The following STXBP5 variants were observed in gnomAD, a reference collection of about 807,000 sequenced individuals.
STXBP5 encodes the protein syntaxin-binding protein 5.
A neutral mutation model predicts 152.4 loss-of-function variants in STXBP5; 50 were observed. That is an observed-to-expected ratio of 0.33 (90% CI 0.26 to 0.42). The LOEUF (loss-of-function observed/expected upper bound fraction) is 0.42. Ranked by LOEUF, STXBP5 falls within the 10% of genes least tolerant of loss-of-function variation. STXBP5 has a pLI of 1.00. For synonymous variants in STXBP5, 492 were observed against 494.7 expected (o/e 0.99, Z 0.07); for missense variants, 1,167 against 1,388.6 (o/e 0.84, Z 2.54).
rs1051830719 is a variant in STXBP5 at position 147,329,829 on chromosome 6, G to GTGTTA, written c.2080+2554_2080+2558dup. On this transcript the variant is annotated intron_variant, in intron 18 of 27. Transcript: ENST00000321680. ...TTTTTAGTAGAGACGGGGTTTCACC[G>GTGTTA]TGTTAGCCAGGATGGTCTCGATCTC... Among the ~76,000 whole-genome samples, 119 of 151,646 alleles carry GTGTTA rather than the reference G, an allele frequency of 7.8e-4. 2 individuals are homozygous for GTGTTA. Among genetic ancestry groups the GTGTTA allele is most frequent in the South Asian group, 5.0e-3 (24 of 4,808 alleles).
In STXBP5 at chr6:147,260,766, A is replaced by G. The variant is rs778991664; in HGVS notation, c.566+17A>G. On this transcript the variant is annotated intron_variant, in intron 5 of 27. Transcript: ENST00000321680. Reference sequence around the variant, plus strand: ...CATTGAACTGTGAGTTTGAACAAATATTTTGTATCTGAAAGCATCAGTTCT... The same window carrying G: ...CATTGAACTGTGAGTTTGAACAAATGTTTTGTATCTGAAAGCATCAGTTCT... 1.2e-6 allele frequency: 2 copies of G among 1,610,934 alleles called. No individual in the cohort carries two copies. Among genetic ancestry groups the G allele is most frequent in the South Asian group, 1.1e-5 (1 of 90,404 alleles).
At chr6:147,262,377 T>C (rs1190672977) in intron 6 of STXBP5, 24 bp downstream of exon 6, 4 of 1,394,840 alleles carry the variant, frequency 2.9e-6, no homozygotes, top group Non-Finnish European at 3.9e-6. Flanking sequence ...TAAAAAATTA[T>C]ATATTAAATG....
At chr6:147,256,469 G>A (rs1009795326) in intron 4 of STXBP5, among the ~76,000 whole-genome samples, 1 of 152,124 alleles carries the variant, frequency 6.6e-6, no homozygotes, top group Non-Finnish European at 1.5e-5. Flanking sequence ...ACCAAATCCT[G>A]CACACTGTGT....
intron 26 of STXBP5, among the ~76,000 whole-genome samples, chr6:147,378,490 G>A (rs1785920511): frequency 6.7e-6 from 1 of 150,232 alleles, no homozygotes; most frequent in African/African-American, 2.5e-5. Flanking sequence ...TCTTAATGCA[G>A]GAACATTAAA....
At chr6:147,238,029 A>T (rs1328750738) in intron 3 of STXBP5, among the ~76,000 whole-genome samples, 1 of 152,206 alleles carries the variant, frequency 6.6e-6, no homozygotes, top group Non-Finnish European at 1.5e-5. Context: ...TTGCATTCAC[A>T]ATTTAAATCA....
intron 8 of STXBP5, among the ~76,000 whole-genome samples, chr6:147,278,618 A>G (rs1780556070): frequency 6.6e-6 from 1 of 152,152 alleles, no homozygotes; most frequent in South Asian, 2.1e-4. Context: ...AATTTTATAT[A>G]TCAAAATATG....
At chr6:147,359,821 T>C (rs1784984846) in intron 23 of STXBP5, among the ~76,000 whole-genome samples, 1 of 152,038 alleles carries the variant, frequency 6.6e-6, no homozygotes, top group South Asian at 2.1e-4. Flanking sequence ...TAGTATTCCA[T>C]GGTGTATATG....
chr6:147,244,436 A>G (rs1478150550), intron 4 of STXBP5, among the ~76,000 whole-genome samples: 1 of 152,236 alleles, frequency 6.6e-6, no homozygotes, highest in Non-Finnish European at 1.5e-5. Context: ...ATATCCACAC[A>G]ATAGCTTGCT....
At chr6:147,314,427 T>G in intron 13 of STXBP5, 96 bp downstream of exon 13, 1 of 1,305,204 alleles carries the variant, frequency 7.7e-7, no homozygotes, top group Non-Finnish European at 1.1e-6. Flanking sequence ...AGGTAGAGCT[T>G]TCCTTTATGT....
chr6:147,363,263 C>A, intron 23 of STXBP5, 72 bp from the exon 24 acceptor site: 1 of 1,434,378 alleles, frequency 7.0e-7, no homozygotes, highest in Non-Finnish European at 9.3e-7. Context: ...TACTGTATGT[C>A]AAAGTTAGAA....
chr6:147,308,283 G>A (rs9485164), intron 9 of STXBP5, among the ~76,000 whole-genome samples: 2,720 of 152,246 alleles, frequency 0.018, 71 homozygotes, highest in African/African-American at 0.061. Flanking sequence ...CATAATAATT[G>A]CAGTATGCTG....
At chr6:147,322,399 C>CTACA (rs1275882063) in intron 16 of STXBP5, among the ~76,000 whole-genome samples, 6 of 152,226 alleles carry the variant, frequency 3.9e-5, no homozygotes, top group Admixed American at 2.6e-4. Flanking sequence ...CAGAAGTGAA[C>CTACA]TGTAGTTCAA....
At chr6:147,319,038 G>A (rs1007379038) in intron 16 of STXBP5, among the ~76,000 whole-genome samples, 2 of 152,098 alleles carry the variant, frequency 1.3e-5, no homozygotes, top group African/African-American at 4.8e-5. Flanking sequence ...CTGTCAAGAT[G>A]TTCTAGACTT....
chr6:147,315,887 C>T (rs939695455), intron 15 of STXBP5, 152 bp downstream of exon 15: 18 of 699,188 alleles, frequency 2.6e-5, no homozygotes, highest in Admixed American at 9.0e-5. Context: ...TTGTAAAAAA[C>T]AGCATTTTTT....
intron 9 of STXBP5, 147 bp downstream of exon 9, chr6:147,291,319 T>C (rs1781265242): frequency 1.9e-6 from 1 of 536,230 alleles, no homozygotes; most frequent in African/African-American, 2.0e-5. Context: ...ACAAAAGAAG[T>C]AAAATTGGTA....
chr6:147,339,034 T>C, intron 19 of STXBP5, 145 bp from the exon 20 acceptor site: 1 of 658,136 alleles, frequency 1.5e-6, no homozygotes, highest in South Asian at 1.9e-5. Flanking sequence ...TGTTATTTAC[T>C]TATACATGGC....
In STXBP5 at chr6:147,316,331, C is replaced by T. The variant is rs763473241; in HGVS notation, c.1726C>T (p.Pro576Ser). 1.2e-6 allele frequency: 2 copies of T among 1,612,984 alleles called. No individual in the cohort carries two copies. Among genetic ancestry groups the T allele is most frequent in the East Asian group, 2.2e-5 (1 of 44,820 alleles). ...ACCCGTGGGAGGGTCCAACCCTCAG[C>T]CCATCCCTCCTCAGTCTCATCCATC... Reference protein sequence around the residue: ...PTPVGGSNPQPIPPQSHPSTS... With the variant: ...PTPVGGSNPQSIPPQSHPSTS... Residue 576 changes from proline to serine, a missense_variant, in exon 16 of 28, where the codon CCC (proline) becomes TCC (serine). By Grantham distance (74) the Pro-to-Ser change is moderately conservative. Around this residue, in one of 3 missense-constraint regions of STXBP5, gnomAD observed 833 missense variants for 986.3 expected, o/e 0.84. Coordinates refer to ENST00000321680, the MANE Select transcript of STXBP5 (RefSeq NM_001127715.4).
At chr6:147,209,643 C>T (rs1214486681) in intron 2 of STXBP5, among the ~76,000 whole-genome samples, 3 of 152,144 alleles carry the variant, frequency 2.0e-5, no homozygotes, top group Admixed American at 6.5e-5. Flanking sequence ...AAAAAGTTTC[C>T]AGTTCTAACC....
intron 22 of STXBP5, among the ~76,000 whole-genome samples, chr6:147,356,973 A>G (rs1001098693): frequency 1.3e-5 from 2 of 152,176 alleles, no homozygotes; most frequent in Non-Finnish European, 2.9e-5. Flanking sequence ...ATTCTCAACT[A>G]TAAATCTGCC....
Sources: allele counts gnomAD v4.1 joint callset (sites outside exome capture counted in the v4.1 genomes callset), GRCh38; gene constraint gnomAD v4.1.1; regional missense constraint gnomAD v4.1.1; transcripts MANE v1.5; gene names NCBI Gene and HGNC (gene_info 2026-07-23, HGNC 2026-07-21).